The following ZNF33A variants were observed in gnomAD, a reference collection of about 807,000 sequenced individuals.
ZNF33A encodes the protein brain my041 protein.
Under a neutral mutation model 15.9 loss-of-function variants are expected in ZNF33A, and 9 were observed. That is an observed-to-expected ratio of 0.57 (90% CI 0.34 to 0.99). The LOEUF is 0.99. ZNF33A is among the 50% of genes least tolerant of loss of function. ZNF33A has a pLI of 0.02. For missense variants in ZNF33A, 843 were observed against 941.6 expected (o/e 0.90, Z 1.37); for synonymous variants, 294 against 324.2 (o/e 0.91, Z 1.00).
At chr10:38,020,582 T>C (rs1032507703) in intron 4 of ZNF33A, among the ~76,000 whole-genome samples, 1 of 152,214 alleles carries the variant, frequency 6.6e-6, no homozygotes, top group African/African-American at 2.4e-5. Flanking sequence ...TGTTAATTTT[T>C]AGCTTTCACA....
At chr10:38,064,338 G>A (rs530016114), downstream of ZNF33A, 865 of 500,660 alleles carry the variant, frequency 1.7e-3, 3 homozygotes, top group Middle Eastern at 4.8e-3. Context: ...CTGAGGAAGT[G>A]CACTGGCACT....
chr10:38,066,267 G>GT (rs563321726), downstream of ZNF33A, among the ~76,000 whole-genome samples: 77 of 151,952 alleles, frequency 5.1e-4, no homozygotes, highest in East Asian at 2.5e-3. Flanking sequence ...AAACAGAAGG[G>GT]TTTTTTTATT....
chr10:38,020,162 A>T (rs908400798), intron 4 of ZNF33A, among the ~76,000 whole-genome samples: 3 of 152,242 alleles, frequency 2.0e-5, no homozygotes, highest in Non-Finnish European at 4.4e-5. Flanking sequence ...CTTAAATGTA[A>T]ATGATCAAAG....
At chr10:38,021,143 A>G (rs1231857365) in intron 4 of ZNF33A, among the ~76,000 whole-genome samples, 1 of 152,232 alleles carries the variant, frequency 6.6e-6, no homozygotes, top group African/African-American at 2.4e-5. Context: ...TTGATAAAGT[A>G]TATAAAAAGA....
chr10:38,064,223 TG>T, downstream of ZNF33A: 1 of 1,061,800 alleles, frequency 9.4e-7, no homozygotes, highest in Admixed American at 2.1e-5. Context: ...AAGATGGGGA[TG>T]GTGGTCACAT....
intron 2 of ZNF33A, among the ~76,000 whole-genome samples, chr10:38,014,251 G>T (rs942169001): frequency 7.9e-5 from 12 of 151,950 alleles, no homozygotes; most frequent in African/African-American, 2.9e-4. Context: ...GGCCAGGCTG[G>T]TCTCAAACTC....
intron 4 of ZNF33A, among the ~76,000 whole-genome samples, chr10:38,036,437 C>CA (rs58856268): frequency 7.7e-4 from 111 of 144,996 alleles, no homozygotes; most frequent in East Asian, 4.2e-3. Flanking sequence ...GATTCTGTCT[C>CA]AAAAAAAAAA....
chr10:38,012,169 G>A, intron 1 of ZNF33A, 129 bp from the exon 2 acceptor site: 1 of 795,706 alleles, frequency 1.3e-6, no homozygotes, highest in African/African-American at 1.7e-5. Context: ...AAGTGTCAGA[G>A]GACATTGATA....
downstream of ZNF33A, among the ~76,000 whole-genome samples, chr10:38,063,002 CAAAAA>C (rs373779802): frequency 3.6e-4 from 16 of 44,204 alleles, no homozygotes; most frequent in East Asian, 4.3e-3. Flanking sequence ...GACTCCATCT[CAAAAA>C]AAAAAAAAAA....
At position 38,056,296 on chromosome 10, in the gene ZNF33A, T is replaced by C. The variant is rs2066478364; in HGVS notation, c.2172T>C (p.Asn724=). The C allele has an allele frequency of 6.2e-7, 1 of 1,614,120 alleles. No homozygotes were observed. Among genetic ancestry groups the C allele is most frequent in the Non-Finnish European group, 8.5e-7 (1 of 1,179,996 alleles). Residue 724 remains asparagine (N), a synonymous_variant, in exon 5 of 5, where the codon AAT becomes AAC. Coordinates refer to ENST00000432900, the MANE Select transcript of ZNF33A (RefSeq NM_006954.2). ...AHTGEKSCQC[N]ECGKIFYRKS... is the part of the protein sequence containing the mutation. ...CAGGAGAGAAATCTTGTCAATGTAA[T>C]GAATGTGGAAAAATCTTTTACCGTA... is the stretch of plus-strand genomic sequence containing the variant.
intron 4 of ZNF33A, among the ~76,000 whole-genome samples, chr10:38,038,636 A>G (rs895350234): frequency 1.3e-5 from 2 of 152,232 alleles, no homozygotes; most frequent in Admixed American, 6.5e-5. Context: ...GTAACCAGCA[A>G]GAGGACATTC....
chr10:38,022,529 C>T (rs1417904674), intron 4 of ZNF33A, among the ~76,000 whole-genome samples: 20 of 151,708 alleles, frequency 1.3e-4, no homozygotes, highest in African/African-American at 4.6e-4. Flanking sequence ...TGGTGGTGCA[C>T]GCCTGTAGTC....
intron 4 of ZNF33A, among the ~76,000 whole-genome samples, chr10:38,045,147 C>G (rs1590651546): frequency 6.6e-6 from 1 of 152,286 alleles, no homozygotes; most frequent in East Asian, 1.9e-4. Context: ...TGTGCTTCCT[C>G]TAGATACTGG....
intron 4 of ZNF33A, among the ~76,000 whole-genome samples, chr10:38,041,371 G>T (rs11011430): frequency 0.028 from 4,137 of 149,956 alleles, 140 homozygotes; most frequent in African/African-American, 0.083. Flanking sequence ...TTAAAATTAT[G>T]ATGTCTCTTT....
chr10:38,021,807 A>G (rs1240298720), intron 4 of ZNF33A, among the ~76,000 whole-genome samples: 5 of 152,312 alleles, frequency 3.3e-5, no homozygotes, highest in African/African-American at 4.8e-5. Flanking sequence ...GGCCATAATG[A>G]AACCAAACTA....
chr10:38,039,385 G>C (rs1363295708), intron 4 of ZNF33A: 1 of 441,188 alleles, frequency 2.3e-6, no homozygotes, highest in East Asian at 7.0e-5. Context: ...AGCACACCCA[G>C]CTAATTTTTT....
Position 38,054,855 on chromosome 10 carries a change from A to G in ZNF33A, c.731A>G (p.Glu244Gly). 6.2e-7 allele frequency: 1 copy of G among 1,613,534 alleles called. No individual in the cohort carries two copies. Among genetic ancestry groups the G allele is most frequent in the East Asian group, 2.2e-5 (1 of 44,854 alleles). The change falls in exon 5 of 5, where the codon GAG becomes GGG. Residue 244 changes from glutamate (E) to glycine (G), a missense_variant. Transcript: ENST00000432900. ...ACACAGAAGAGAGAGAACGCAGAAGAGAATAACTGTGATTATAATGAATTT... is the reference window on the plus strand; with the variant it reads ...ACACAGAAGAGAGAGAACGCAGAAGGGAATAACTGTGATTATAATGAATTT... ...FNTQKRENAEENNCDYNEFGR... is the reference protein window; with the variant it reads ...FNTQKRENAEGNNCDYNEFGR...
chr10:38,026,122 TAA>T (rs1338106523), intron 4 of ZNF33A, among the ~76,000 whole-genome samples: 2 of 152,246 alleles, frequency 1.3e-5, no homozygotes, highest in Non-Finnish European at 2.9e-5. Context: ...TCTGGCTGTT[TAA>T]TCCATTCATC....
At chr10:38,049,460 T>G (rs1302618863) in intron 4 of ZNF33A, among the ~76,000 whole-genome samples, 9 of 152,152 alleles carry the variant, frequency 5.9e-5, no homozygotes, top group Non-Finnish European at 1.5e-5. Flanking sequence ...TTGTGTGTGT[T>G]TGTATTATGT....
Sources: allele counts gnomAD v4.1 joint callset (sites outside exome capture counted in the v4.1 genomes callset), GRCh38; gene constraint gnomAD v4.1.1; transcripts MANE v1.5; gene names NCBI Gene and HGNC (gene_info 2026-07-23, HGNC 2026-07-21).